The following CD3D variants were observed in gnomAD, a reference collection of about 807,000 sequenced individuals.
CD3D encodes the protein T-cell surface glycoprotein CD3 delta chain.
CD3D carries 22 observed loss-of-function variants against 22.0 expected under a neutral mutation model. The observed-to-expected ratio is 1.00, with a 90% CI of 0.71 to 1.43. The LOEUF (loss-of-function observed/expected upper bound fraction) is 1.43. Among genes scored for constraint, CD3D ranks in the 40% most tolerant of loss-of-function variants. The pLI, the probability that CD3D is intolerant of heterozygous loss-of-function variation, is 0.00. For synonymous variants in CD3D, 74 were observed against 81.2 expected, an observed-to-expected ratio of 0.91 and a Z score of 0.48; for missense variants, 205 against 211.7, an observed-to-expected ratio of 0.97 and a Z score of 0.20.
chr11:118,341,987 A>T (rs1296062340), intron 1 of CD3D, among the ~76,000 whole-genome samples: 1 of 152,128 alleles, frequency 6.6e-6, no homozygotes, highest in African/African-American at 2.4e-5. Context: ...TCAGGTACAT[A>T]CGTACTGAGC....
Position 118,340,610 on chromosome 11 carries a change from A to AGC in CD3D, c.56-18_56-17insGC, listed in dbSNP as rs1565518044. On this transcript the variant is annotated splice_polypyrimidine_tract_variant and intron_variant, in intron 1 of 4. Transcript: ENST00000300692. ...AGGGGCTCACTAAAGGGGAAAAAATATCACAGTTGGAGACAGCTCTTTGAT... is the reference window on the plus strand; with the variant it reads ...AGGGGCTCACTAAAGGGGAAAAAATAGCTCACAGTTGGAGACAGCTCTTTGAT... 6 of 1,566,948 alleles carry AGC rather than the reference A, an allele frequency of 3.8e-6. No individual in the cohort carries two copies. Among genetic ancestry groups the AGC allele is most frequent in the Non-Finnish European group, 5.3e-6 (6 of 1,138,794 alleles).
In CD3D at chr11:118,339,774, C is replaced by A; in HGVS notation, c.406+1G>T. 6.2e-7 allele frequency: 1 copy of A among 1,613,780 alleles called. No individual in the cohort carries two copies. The highest frequency in any genetic ancestry group is 8.5e-7 in the Non-Finnish European group (1 of 1,179,954). The stretch of plus-strand genomic sequence containing the variant: ...CTCTCATGCTCTGCTCTTCCACTAA[C>A]CCCCAGACAGCCTTCCAGTCTCATG... On this transcript the variant is annotated splice_donor_variant, in intron 3 of 4. Transcript: ENST00000300692. LOFTEE classifies it high-confidence loss of function.
rs141902449 is a variant in CD3D, at chr11:118,342,556, G to T, written c.52C>A (p.Gln18Lys). The T allele has an allele frequency of 1.4e-4, 227 of 1,613,512 alleles. 1 individual carries two copies. In the African/African-American group the frequency reaches 2.7e-3, roughly 19 times the overall value. The change falls in exon 1 of 5, where the codon CAA (glutamine) becomes AAA (lysine). Residue 18 changes from glutamine to lysine, a missense_variant. Gln to Lys is a moderately conservative substitution (Grantham distance 53). Coordinates refer to ENST00000300692, the MANE Select transcript of CD3D (RefSeq NM_000732.6). ...SGLVLATLLS[Q>K]VSPFKIPIEE... ...CACCCACCTGGAGTAGCCTTACCTT[G>T]CGAGAGAAGGGTAGCCAGTACCAGG...
intron 2 of CD3D, 101 bp from the exon 3 acceptor site, chr11:118,340,007 C>G: frequency 7.0e-7 from 1 of 1,429,500 alleles, no homozygotes; most frequent in Non-Finnish European, 9.8e-7. Context: ...ATGCCAAAAC[C>G]CAAACTTCAA....
chr11:118,339,463 G>A lies in CD3D; in HGVS notation c.438C>T (p.Asp146=). 1 of 1,613,916 alleles carries A rather than the reference G, an allele frequency of 6.2e-7. No individual in the cohort carries two copies. Among genetic ancestry groups the A allele is most frequent in the Non-Finnish European group, 8.5e-7 (1 of 1,179,984 alleles). The change falls in exon 4 of 5, where the codon GAC becomes GAT. Residue 146 remains aspartate (D), a synonymous_variant. Coordinates refer to ENST00000300692, the MANE Select transcript of CD3D (RefSeq NM_000732.6). ...CCTCAACGCTCACCTGATAGACCTG[G>A]TCATTCCTCAACAGAGCTTGTGTGT... ...AADTQALLRN[D]QVYQPLRDRD... is the part of the protein sequence containing the mutation.
chr11:118,340,910 G>A (rs536903960), intron 1 of CD3D: 1 of 574,758 alleles, frequency 1.7e-6, no homozygotes, highest in South Asian at 1.5e-5. Context: ...AGGAGTAGGG[G>A]GAGCACGGAC....
intron 1 of CD3D, 86 bp downstream of exon 1, chr11:118,342,466 TG>T: frequency 8.0e-7 from 1 of 1,253,382 alleles, no homozygotes; most frequent in Non-Finnish European, 1.2e-6. Context: ...CCACCGTGCC[TG>T]GCAAGAAACA....
intron 4 of CD3D, 54 bp from the exon 5 acceptor site, chr11:118,339,281 A>G (rs1948277411): frequency 6.4e-7 from 1 of 1,567,194 alleles, no homozygotes; most frequent in African/African-American, 1.3e-5. Flanking sequence ...CTCTTCAAGG[A>G]AGGGCCCCAG....
chr11:118,339,444 C>A lies in CD3D; in HGVS notation c.450+7G>T, dbSNP rs201810356. 6 of 1,614,028 alleles carry A rather than the reference C, an allele frequency of 3.7e-6. No homozygotes were observed. The East Asian group carries it at 1.3e-4, about 36-fold the overall frequency. On this transcript the variant is annotated splice_region_variant and intron_variant, in intron 4 of 4. Transcript: ENST00000300692. ...TTCATTCCTGCCTCCTTCCCCTCAACGCTCACCTGATAGACCTGGTCATTC... is the reference window on the plus strand; with the variant it reads ...TTCATTCCTGCCTCCTTCCCCTCAAAGCTCACCTGATAGACCTGGTCATTC...
chr11:118,340,297 A>G, intron 2 of CD3D, 78 bp downstream of exon 2: 3 of 1,128,810 alleles, frequency 2.7e-6, no homozygotes, highest in South Asian at 1.2e-5. Flanking sequence ...TGGGTTCACC[A>G]TATCCCTCTC....
Position 118,339,877 on chromosome 11 carries a change from C to T in CD3D, c.304G>A (p.Ala102Thr). 1 of 1,614,028 alleles carries T rather than the reference C, an allele frequency of 6.2e-7. No individual in the cohort carries two copies. Among genetic ancestry groups the T allele is most frequent in the South Asian group, 1.1e-5 (1 of 91,072 alleles). Residue 102 changes from alanine to threonine, a missense_variant, in exon 3 of 5, where the codon GCC becomes ACC. By Grantham distance (58) the Ala-to-Thr change is moderately conservative. Transcript: ENST00000300692. The stretch of plus-strand genomic sequence containing the variant: ...GTGACAATGATGCCAGCCACGGTGG[C>T]TGGATCCAGCTCCACACAGCTCTGG... Reference protein sequence around the residue: ...MCQSCVELDPATVAGIIVTDV... With the variant: ...MCQSCVELDPTTVAGIIVTDV...
chr11:118,339,550 C>G, intron 3 of CD3D, 56 bp from the exon 4 acceptor site: 1 of 1,599,262 alleles, frequency 6.3e-7, no homozygotes, highest in Non-Finnish European at 8.6e-7. Flanking sequence ...GTGAGATCCA[C>G]CCTCCCACAC....
intron 2 of CD3D, 77 bp downstream of exon 2, chr11:118,340,298 T>C: frequency 8.9e-7 from 1 of 1,128,572 alleles, no homozygotes; most frequent in Non-Finnish European, 1.3e-6. Context: ...GGGTTCACCA[T>C]ATCCCTCTCT....
intron 3 of CD3D, 127 bp from the exon 4 acceptor site, chr11:118,339,621 G>T: frequency 6.5e-7 from 1 of 1,546,664 alleles, no homozygotes; most frequent in Non-Finnish European, 8.9e-7. Context: ...AAAGTTCTAG[G>T]AGTCTTTAGG....
intron 4 of CD3D, 69 bp downstream of exon 4, chr11:118,339,382 A>T: frequency 6.4e-7 from 1 of 1,570,666 alleles, no homozygotes; most frequent in Non-Finnish European, 8.8e-7. Context: ...TGCAAACAGC[A>T]TTCAGTGTGA....
chr11:118,340,994 A>G (rs1350848705), intron 1 of CD3D: 2 of 468,402 alleles, frequency 4.3e-6, no homozygotes, highest in African/African-American at 2.0e-5. Flanking sequence ...TTTTTCTTCA[A>G]GGAAACATCT....
chr11:118,339,373 G>A, intron 4 of CD3D, 78 bp downstream of exon 4: 1 of 1,551,270 alleles, frequency 6.4e-7, no homozygotes, highest in South Asian at 1.1e-5. Context: ...CTTCCCACGT[G>A]CAAACAGCAT....
intron 1 of CD3D, 117 bp from the exon 2 acceptor site, chr11:118,340,710 C>T (rs1948292969): frequency 3.8e-6 from 3 of 779,640 alleles, no homozygotes; most frequent in Admixed American, 4.0e-5. Flanking sequence ...CAGTTTATGG[C>T]TTCCATCAAG....
chr11:118,342,571 C>G lies in CD3D; in HGVS notation c.37G>C (p.Ala13Pro), dbSNP rs775716265. Reference protein sequence around the residue: ...HSTFLSGLVLATLLSQVSPFK... With the variant: ...HSTFLSGLVLPTLLSQVSPFK... ...GCCTTACCTTGCGAGAGAAGGGTAG[C>G]CAGTACCAGGCCAGAGAGAAACGTG... The change falls in exon 1 of 5, where the codon GCT becomes CCT. Residue 13 changes from alanine to proline, a missense_variant. Physicochemically the swap from Ala to Pro is conservative, Grantham distance 27. Transcript: ENST00000300692. 11 of 1,613,748 alleles carry G rather than the reference C, an allele frequency of 6.8e-6. No individual in the cohort carries two copies. The highest frequency in any genetic ancestry group is 1.3e-5 in the African/African-American group (1 of 75,010).
Sources: gnomAD v4.1 joint callset for allele counts (sites outside exome capture counted in the v4.1 genomes callset) on GRCh38, gnomAD v4.1.1 for gene constraint, MANE v1.5 for transcripts, NCBI Gene and HGNC (gene_info 2026-07-23, HGNC 2026-07-21) for gene names.